The following GTPBP8 variants were observed in gnomAD, a reference collection of about 807,000 sequenced individuals.
GTPBP8 encodes GTP-binding protein 8.
In GTPBP8, 21 loss-of-function variants were observed where a neutral mutation model predicts 27.3. That is an observed-to-expected ratio of 0.77 (90% CI 0.55 to 1.11). The LOEUF is 1.11. GTPBP8 is among the 50% of genes least tolerant of loss of function. The probability of loss-of-function intolerance (pLI) is 0.00; values close to 1 mark genes in which losing one functional copy is unlikely to be tolerated. For synonymous variants in GTPBP8, 147 were observed against 135.3 expected, an observed-to-expected ratio of 1.09 and a Z score of -0.60; for missense variants, 380 against 350.8, an observed-to-expected ratio of 1.08 and a Z score of -0.67.
Position 112,997,008 on chromosome 3 carries a change from A to G in GTPBP8, c.666+17A>G. The G allele has an allele frequency of 1.8e-6, 2 of 1,115,512 alleles. No homozygotes were observed. Among genetic ancestry groups the G allele is most frequent in the African/African-American group, 3.1e-5 (2 of 65,320 alleles). The allele number at this position is 1,115,512 out of a possible 1,614,324, so 69.1% of individuals were successfully genotyped here. On this transcript the variant is annotated intron_variant, in intron 4 of 5. Coordinates refer to ENST00000383678, the MANE Select transcript of GTPBP8 (RefSeq NM_014170.4). ...CCTTATGTGGTAAGTACTTCCTTTG[A>G]ATCATGGTTGCAATTAGAAATATCA... is the stretch of plus-strand genomic sequence containing the variant.
At chr3:112,997,486 G>A (rs1933808389) in intron 4 of GTPBP8, among the ~76,000 whole-genome samples, 1 of 152,078 alleles carries the variant, frequency 6.6e-6, no homozygotes, top group Non-Finnish European at 1.5e-5. Flanking sequence ...ATTTCTTCTG[G>A]GAATTTCTTA....
chr3:112,993,770 TTTCA>T (rs202102748), intron 2 of GTPBP8, among the ~76,000 whole-genome samples: 2,001 of 152,306 alleles, frequency 0.013, 45 homozygotes, highest in African/African-American at 0.045. Flanking sequence ...CACACACCCC[TTTCA>T]TTGAGTTGGA....
Position 112,993,114 on chromosome 3 carries a change from C to T in GTPBP8, c.425C>T (p.Ser142Phe). ...SLAPEVEVRVSKKPGHTKKMN... is the reference protein window; with the variant it reads ...SLAPEVEVRVFKKPGHTKKMN... ...GCCCCTGAGGTTGAAGTCAGAGTCT[C>T]CAAAAAACCAGTATGTTGAAGTTTT... is the stretch of plus-strand genomic sequence containing the variant. Residue 142 changes from serine to phenylalanine, a missense_variant, in exon 2 of 6, where the codon TCC becomes TTC. Transcript: ENST00000383678. 3.2e-6 allele frequency: 5 copies of T among 1,576,562 alleles called. No individual in the cohort carries two copies. The highest frequency in any genetic ancestry group is 4.4e-6 in the Non-Finnish European group (5 of 1,148,338).
At position 112,999,583 on chromosome 3, in the gene GTPBP8, TG is replaced by T. The variant is rs1208193972; in HGVS notation, c.785+20del. 3.2e-6 allele frequency: 3 copies of T among 934,682 alleles called. No individual in the cohort carries two copies. Among genetic ancestry groups the T allele is most frequent in the Non-Finnish European group, 4.9e-6 (3 of 610,722 alleles). The allele number at this position is 934,682 out of a possible 1,614,324, so 57.9% of individuals were successfully genotyped here. ...CTGTAAGGTAAGAGTTGAATTGTTT[TG>T]TTTTTTGTTTTTTATGAAGTAATCT... On this transcript the variant is annotated intron_variant, in intron 5 of 5. Coordinates refer to ENST00000383678, the MANE Select transcript of GTPBP8 (RefSeq NM_014170.4).
At position 113,001,501 on chromosome 3, in the gene GTPBP8, G is replaced by A. The variant is rs1447280404; in HGVS notation, c.*582G>A. The A allele has an allele frequency of 6.6e-6, 1 of 151,958 alleles. No individual in the cohort carries two copies. The highest frequency in any genetic ancestry group is 1.9e-4 in the East Asian group (1 of 5,182). The allele number at this position is 151,958 out of a possible 1,614,324, so 9.4% of individuals were successfully genotyped here. On this transcript the variant is annotated 3_prime_UTR_variant, in exon 6 of 6. Coordinates refer to ENST00000383678, the MANE Select transcript of GTPBP8 (RefSeq NM_014170.4). ...TGTTTATTATATATGTTGGATCTTG[G>A]GCAACTTACTTGATTTCTCGGAAAT...
At chr3:112,997,098 A>G in intron 4 of GTPBP8, 107 bp downstream of exon 4, 1 of 637,576 alleles carries the variant, frequency 1.6e-6, no homozygotes, top group East Asian at 3.0e-5. Flanking sequence ...CTCAAAAGAT[A>G]AAGGAGAGTG....
intron 4 of GTPBP8, among the ~76,000 whole-genome samples, chr3:112,997,489 ATT>A (rs1559711248): frequency 6.6e-6 from 1 of 152,228 alleles, no homozygotes; most frequent in Non-Finnish European, 1.5e-5. Context: ...TCTTCTGGGA[ATT>A]TCTTACCAGT....
chr3:112,999,751 G>A (rs1933856593), intron 5 of GTPBP8, among the ~76,000 whole-genome samples, 187 bp downstream of exon 5: 1 of 152,040 alleles, frequency 6.6e-6, no homozygotes, highest in African/African-American at 2.4e-5. Flanking sequence ...CCTATGTGTA[G>A]TCTTTTTTCG....
chr3:112,991,482 C>T (rs767760607), intron 1 of GTPBP8, 147 bp downstream of exon 1: 1 of 754,826 alleles, frequency 1.3e-6, no homozygotes, highest in Non-Finnish European at 2.3e-6. Context: ...AGGCATATGT[C>T]GATGCTCCCT....
chr3:112,998,513 C>T (rs1933829933), intron 4 of GTPBP8, among the ~76,000 whole-genome samples: 1 of 152,158 alleles, frequency 6.6e-6, no homozygotes. Context: ...ACCCAGTCTT[C>T]CTGGGCTTTT....
chr3:112,996,861 G>A, intron 3 of GTPBP8, 31 bp from the exon 4 acceptor site: 1 of 920,468 alleles, frequency 1.1e-6, no homozygotes, highest in Admixed American at 1.7e-5. Flanking sequence ...ATTTTATATT[G>A]CCATTAATCT....
chr3:112,996,808 A>C, intron 3 of GTPBP8, 84 bp from the exon 4 acceptor site: 1 of 684,020 alleles, frequency 1.5e-6, no homozygotes. Flanking sequence ...TCAAAGAAGA[A>C]TTTCTTAGTA....
chr3:112,998,828 T>G (rs530963951), intron 4 of GTPBP8, among the ~76,000 whole-genome samples: 4 of 152,328 alleles, frequency 2.6e-5, no homozygotes, highest in African/African-American at 9.6e-5. Flanking sequence ...CTAAAAAGCA[T>G]GATTTGCCAG....
intron 5 of GTPBP8, among the ~76,000 whole-genome samples, 189 bp downstream of exon 5, chr3:112,999,753 C>A (rs1449805342): frequency 6.6e-6 from 1 of 151,956 alleles, no homozygotes; most frequent in Admixed American, 6.5e-5. Context: ...TATGTGTAGT[C>A]TTTTTTCGCT....
Position 112,991,178 on chromosome 3 carries a change from C to G in GTPBP8, c.179C>G (p.Pro60Arg), listed in dbSNP as rs754424386. ...CAGGAAGTAGAGCGGTTCCTCGCCC[C>G]CTACGGGAGGCAAGACCTTCACCTG... Reference protein sequence around the residue: ...PLQEVERFLAPYGRQDLHLRI... With the variant: ...PLQEVERFLARYGRQDLHLRI... The change falls in exon 1 of 6, where the codon CCC (proline) becomes CGC (arginine). Residue 60 changes from proline (P) to arginine (R), a missense_variant. Physicochemically the swap from Pro to Arg is moderately radical, Grantham distance 103. Transcript: ENST00000383678. The G allele has an allele frequency of 2.5e-6, 4 of 1,614,192 alleles. No individual in the cohort carries two copies. The Admixed American group carries it at 5.0e-5, about 20-fold the overall frequency.
rs1281816803 is a variant in GTPBP8, at chr3:113,001,101, A to AG, written c.*183dup. The AG allele has an allele frequency of 5.6e-6, 3 of 535,626 alleles. No homozygotes were observed. The Admixed American group carries it at 1.0e-4, about 19-fold the overall frequency. 33.2% of individuals were successfully genotyped at this position (535,626 alleles called of 1,614,324 possible). On this transcript the variant is annotated 3_prime_UTR_variant, in exon 6 of 6. Coordinates refer to ENST00000383678, the MANE Select transcript of GTPBP8 (RefSeq NM_014170.4). Reference sequence around the variant, plus strand: ...AAGAATTTGTGCCTGAGGTGAAAAAAGTTTGTAAGTTATTGAATTATGGTG... The same window carrying AG: ...AAGAATTTGTGCCTGAGGTGAAAAAAGGTTTGTAAGTTATTGAATTATGGTG...
In GTPBP8 at chr3:112,999,493, A is replaced by G; in HGVS notation, c.714A>G (p.Lys238=). 6.5e-7 allele frequency: 1 copy of G among 1,548,146 alleles called. No individual in the cohort carries two copies. The highest frequency in any genetic ancestry group is 8.8e-7 in the Non-Finnish European group (1 of 1,136,000). The part of the protein sequence containing the change: ...IDKSSKGHLL[K]QVLQIQKFVN... ...AATCTTCCAAGGGACATCTTTTAAA[A>G]CAAGTGCTTCAGATCCAGAAATTTG... is the stretch of plus-strand genomic sequence containing the variant. Residue 238 remains lysine, a synonymous_variant, in exon 5 of 6, where the codon AAA becomes AAG. Coordinates refer to ENST00000383678, the MANE Select transcript of GTPBP8 (RefSeq NM_014170.4).
intron 3 of GTPBP8, 91 bp downstream of exon 3, chr3:112,995,356 G>T: frequency 1.3e-6 from 1 of 760,462 alleles, no homozygotes; most frequent in Non-Finnish European, 2.1e-6. Context: ...TAACACTTCA[G>T]TTTTATCAAA....
Position 112,995,282 on chromosome 3 carries a change from C to T in GTPBP8, c.566+17C>T. On this transcript the variant is annotated intron_variant, in intron 3 of 5. Transcript: ENST00000383678. ...ACGAAGGAAGTAAGGAAAAGATTTT[C>T]TTATAATAGTTATACATTTAACCCC... 1.3e-6 allele frequency: 2 copies of T among 1,546,926 alleles called. No individual in the cohort carries two copies. The highest frequency in any genetic ancestry group is 1.2e-5 in the South Asian group (1 of 84,528).
Sources: allele counts gnomAD v4.1 joint callset (sites outside exome capture counted in the v4.1 genomes callset), GRCh38; gene constraint gnomAD v4.1.1; transcripts MANE v1.5; gene names NCBI Gene and HGNC (gene_info 2026-07-23, HGNC 2026-07-21).